Variants in CNTN6 observed in about 807,000 individuals in gnomAD.
The protein encoded by CNTN6 is contactin-6.
CNTN6 carries 137 observed loss-of-function variants against 122.8 expected under a neutral mutation model. That is an observed-to-expected ratio of 1.12 (90% CI 0.97 to 1.29). The LOEUF (loss-of-function observed/expected upper bound fraction) is 1.29. Ranked by LOEUF, CNTN6 falls within the 50% of genes most tolerant of loss-of-function variation. The pLI, the probability that CNTN6 is intolerant of heterozygous loss-of-function variation, is 0.00. For synonymous variants in CNTN6, 570 were observed against 426.0 expected (o/e 1.34, Z -4.16); for missense variants, 1,634 against 1,223.4 (o/e 1.34, Z -5.01).
At chr3:1,268,560 T>TCA (rs2094965412) in intron 4 of CNTN6, among the ~76,000 whole-genome samples, 8 of 135,458 alleles carry the variant, frequency 5.9e-5, no homozygotes, top group African/African-American at 1.5e-4. Flanking sequence ...TGAGCCGAGA[T>TCA]TGAGCCACTG....
intron 10 of CNTN6, among the ~76,000 whole-genome samples, chr3:1,328,661 G>A (rs985667229): frequency 1.3e-5 from 2 of 151,774 alleles, no homozygotes; most frequent in African/African-American, 4.8e-5. Context: ...CTACATTGAG[G>A]ACATTCCCTT....
chr3:1,129,349 C>T (rs1219710825), intron 1 of CNTN6, among the ~76,000 whole-genome samples: 2 of 152,028 alleles, frequency 1.3e-5, no homozygotes, highest in Non-Finnish European at 2.9e-5. Flanking sequence ...TCTGGGTAAT[C>T]CTCCATTCCC....
At chr3:1,300,190 G>T (rs981262510) in intron 7 of CNTN6, among the ~76,000 whole-genome samples, 1 of 152,028 alleles carries the variant, frequency 6.6e-6, no homozygotes, top group Non-Finnish European at 1.5e-5. Flanking sequence ...GTTTCAGCAC[G>T]TTAGCCAGGA....
At chr3:1,357,520 C>A (rs1706768439) in intron 12 of CNTN6, among the ~76,000 whole-genome samples, 1 of 151,838 alleles carries the variant, frequency 6.6e-6, no homozygotes, top group African/African-American at 2.4e-5. Context: ...ATTATTATCT[C>A]AATTTTATAC....
intron 1 of CNTN6, among the ~76,000 whole-genome samples, chr3:1,130,859 T>G (rs2092317841): frequency 6.6e-6 from 1 of 152,186 alleles, no homozygotes; most frequent in Non-Finnish European, 1.5e-5. Context: ...ATAGCAACTA[T>G]TAGAAATGGA....
At chr3:1,290,607 G>T (rs1695169039) in intron 5 of CNTN6, among the ~76,000 whole-genome samples, 1 of 152,218 alleles carries the variant, frequency 6.6e-6, no homozygotes, top group African/African-American at 2.4e-5. Flanking sequence ...AGATTAAAAT[G>T]AAAGCAAGTT....
At chr3:1,341,324 C>T (rs1487260099) in intron 11 of CNTN6, among the ~76,000 whole-genome samples, 1 of 151,860 alleles carries the variant, frequency 6.6e-6, no homozygotes, top group Non-Finnish European at 1.5e-5. Context: ...TATGTTAATT[C>T]TCTTTTGTGT....
At position 1,403,442 on chromosome 3, in the gene CNTN6, G is replaced by C; in HGVS notation, c.*24G>C. 6.6e-7 allele frequency: 1 copy of C among 1,505,534 alleles called. No homozygotes were observed. The highest frequency in any genetic ancestry group is 2.3e-5 in the East Asian group (1 of 44,148). The allele number at this position is 1,505,534 out of a possible 1,614,324, so 93.3% of individuals were successfully genotyped here. A position where few individuals can be genotyped will look rare whatever the true frequency, so the allele number is the denominator to read the frequency against. ...GATGAATAAAACCATAAATCTTTGA[G>C]AGTTTTTTGAAAGCAAATCATTCTG... On this transcript the variant is annotated 3_prime_UTR_variant, in exon 23 of 23. Coordinates refer to ENST00000446702, the MANE Select transcript of CNTN6 (RefSeq NM_001289080.2).
At chr3:1,358,884 C>G (rs1417135477) in intron 12 of CNTN6, among the ~76,000 whole-genome samples, 1 of 151,822 alleles carries the variant, frequency 6.6e-6, no homozygotes, top group Non-Finnish European at 1.5e-5. Flanking sequence ...CATGGCAAGA[C>G]CTTATCTCTA....
intron 5 of CNTN6, 68 bp downstream of exon 5, chr3:1,278,576 T>G (rs1692831123): frequency 1.9e-6 from 2 of 1,067,728 alleles, no homozygotes; most frequent in Admixed American, 4.3e-5. Context: ...GCACATCAGG[T>G]CTTAGGCTCA....
chr3:1,104,298 A>G (rs919267804), intron 1 of CNTN6, among the ~76,000 whole-genome samples: 4 of 152,164 alleles, frequency 2.6e-5, no homozygotes, highest in South Asian at 2.1e-4. Flanking sequence ...CACCAAAAAG[A>G]CTAAATAAAA....
intron 8 of CNTN6, among the ~76,000 whole-genome samples, chr3:1,324,334 G>GTA (rs1701252945): frequency 6.7e-6 from 1 of 149,502 alleles, no homozygotes; most frequent in East Asian, 2.0e-4. Flanking sequence ...TTTATATTGT[G>GTA]CACAATTTCG....
At chr3:1,236,530 G>A (rs896587563) in intron 4 of CNTN6, among the ~76,000 whole-genome samples, 3 of 152,098 alleles carry the variant, frequency 2.0e-5, no homozygotes, top group Admixed American at 6.5e-5. Context: ...TAGGGGAAGC[G>A]GGAGAACACC....
chr3:1,313,402 A>G (rs1385021485), intron 7 of CNTN6, among the ~76,000 whole-genome samples: 4 of 152,202 alleles, frequency 2.6e-5, no homozygotes, highest in South Asian at 2.1e-4. Context: ...TAATCTTGGT[A>G]TTAAGGCAAT....
intron 4 of CNTN6, among the ~76,000 whole-genome samples, chr3:1,231,955 G>A (rs1004272410): frequency 3.9e-5 from 6 of 152,134 alleles, no homozygotes; most frequent in African/African-American, 1.4e-4. Context: ...AAAGCTTTTG[G>A]TGGTAAAGGT....
intron 12 of CNTN6, among the ~76,000 whole-genome samples, chr3:1,366,584 A>C (rs1459539655): frequency 6.6e-6 from 1 of 152,112 alleles, no homozygotes; most frequent in Non-Finnish European, 1.5e-5. Context: ...TAGCATGAAC[A>C]GTTTTGCATA....
At chr3:1,122,826 C>T (rs191475477) in intron 1 of CNTN6, among the ~76,000 whole-genome samples, 2 of 151,866 alleles carry the variant, frequency 1.3e-5, no homozygotes, top group East Asian at 1.9e-4. Context: ...ATGTACATAT[C>T]ACAATTTGTT....
intron 2 of CNTN6, among the ~76,000 whole-genome samples, chr3:1,149,584 A>G (rs2092795480): frequency 6.6e-6 from 1 of 152,196 alleles, no homozygotes; most frequent in African/African-American, 2.4e-5. Flanking sequence ...GCTAGCAGCT[A>G]GAAGTGCCAT....
chr3:1,108,941 A>G (rs1207408859), intron 1 of CNTN6, among the ~76,000 whole-genome samples: 2 of 152,090 alleles, frequency 1.3e-5, no homozygotes, highest in Admixed American at 6.6e-5. Context: ...TTTTAGAATT[A>G]CCATTTAAAA....
Sources: allele counts gnomAD v4.1 joint callset (sites outside exome capture counted in the v4.1 genomes callset), GRCh38; gene constraint gnomAD v4.1.1; transcripts MANE v1.5; gene names NCBI Gene and HGNC (gene_info 2026-07-23, HGNC 2026-07-21).